ST3GAL4: variants seen among roughly 807,000 people sequenced by gnomAD.
ST3GAL4 encodes ST3 beta-galactoside alpha-2,3-sialyltransferase 4.
A neutral mutation model predicts 42.6 loss-of-function variants in ST3GAL4; 24 were observed. The ratio of observed to expected loss-of-function variants is 0.56; its 90% confidence interval spans 0.41 to 0.79. ST3GAL4 has a LOEUF of 0.79. Ranked by LOEUF, ST3GAL4 falls within the 30% of genes least tolerant of loss-of-function variation. ST3GAL4 has a pLI of 0.00. For synonymous variants in ST3GAL4, 135 were observed against 163.2 expected (o/e 0.83, Z 1.32); for missense variants, 311 against 430.8 (o/e 0.72, Z 2.46).
At chr11:126,408,045 G>A in intron 6 of ST3GAL4, 54 bp from the exon 7 acceptor site, 1 of 1,580,834 alleles carries the variant, frequency 6.3e-7, no homozygotes, top group South Asian at 1.1e-5. Flanking sequence ...ATCCAGGGCA[G>A]CGAGCCTGGG....
chr11:126,406,840 G>A lies in ST3GAL4; in HGVS notation c.102-103G>A. The A allele has an allele frequency of 8.9e-7, 1 of 1,127,218 alleles. No homozygotes were observed. Among genetic ancestry groups the A allele is most frequent in the Non-Finnish European group, 1.3e-6 (1 of 758,408 alleles). 69.8% of individuals were successfully genotyped at this position (1,127,218 alleles called of 1,614,324 possible). On this transcript the variant is annotated intron_variant, in intron 3 of 10. Coordinates refer to ENST00000444328, the MANE Select transcript of ST3GAL4 (RefSeq NM_001254757.2). This position sits in a 1 kb window ranked among gnomAD's most constrained non-coding sequence, Gnocchi z 5.4. ...CTTAACTTGAGATGATTCCTCCCCG[G>A]CACCTTGGGACCTTCATGCCGTGGG...
intron 1 of ST3GAL4, chr11:126,356,279 A>T (rs1200391641): frequency 6.6e-6 from 1 of 152,582 alleles, no homozygotes; most frequent in African/African-American, 2.4e-5. Flanking sequence ...CAGGAGTCGC[A>T]AGGTCGCTGA....
chr11:126,371,265 A>G (rs547827292), intron 1 of ST3GAL4, among the ~76,000 whole-genome samples: 311 of 143,270 alleles, frequency 2.2e-3, no homozygotes, highest in Non-Finnish European at 3.9e-3. Context: ...CCCAGATCCA[A>G]GTGATTTTCC....
intron 9 of ST3GAL4, 103 bp from the exon 10 acceptor site, chr11:126,413,402 G>C (rs1954615393): frequency 6.9e-7 from 1 of 1,454,600 alleles, no homozygotes; most frequent in African/African-American, 1.4e-5. Flanking sequence ...CGCAGATGGA[G>C]AACGTTTCCG....
In ST3GAL4 at chr11:126,397,117, T is replaced by A. The variant is rs541456656; in HGVS notation, c.-60-8979T>A. Among the ~76,000 whole-genome samples, 1 of 152,246 alleles carries A rather than the reference T, an allele frequency of 6.6e-6. No individual in the cohort carries two copies. Among genetic ancestry groups the A allele is most frequent in the South Asian group, 2.1e-4 (1 of 4,826 alleles). ...ATTGAGAGATCCTGGTTTCGCGTTTTGAGCGTGCAGTACATTTCAGTTGTT... is the reference window on the plus strand; with the variant it reads ...ATTGAGAGATCCTGGTTTCGCGTTTAGAGCGTGCAGTACATTTCAGTTGTT... On this transcript the variant is annotated intron_variant, in intron 1 of 10. Transcript: ENST00000444328. The surrounding 1 kb of genome is among the most constrained non-coding windows in gnomAD (Gnocchi z 5.0).
chr11:126,360,036 C>G (rs1014947521), intron 1 of ST3GAL4, among the ~76,000 whole-genome samples: 2 of 152,216 alleles, frequency 1.3e-5, no homozygotes, highest in African/African-American at 4.8e-5. Flanking sequence ...TGATGCCCGT[C>G]CTGGGCTGGC....
At chr11:126,413,418 G>A in intron 9 of ST3GAL4, 87 bp from the exon 10 acceptor site, 7 of 1,525,452 alleles carry the variant, frequency 4.6e-6, no homozygotes, top group Non-Finnish European at 5.3e-6. Flanking sequence ...TTCCGTGACT[G>A]CAGGAAGTTC....
chr11:126,407,232 C>G lies in ST3GAL4; in HGVS notation c.183-20C>G, dbSNP rs377262894. ...GATTAATTCTGTTCTCATCCCCACC[C>G]GGCTTTCACCTCTGTGCAGCTACTC... On this transcript the variant is annotated intron_variant, in intron 4 of 10. Transcript: ENST00000444328. 1.1e-5 allele frequency: 18 copies of G among 1,612,872 alleles called. No homozygotes were observed. In the African/African-American group the frequency reaches 2.4e-4, roughly 22 times the overall value.
rs1403116995 is a variant in ST3GAL4, at chr11:126,411,662, G to A, written c.772-1843G>A. Among the ~76,000 whole-genome samples the A allele has an allele frequency of 6.6e-6, 1 of 152,134 alleles. No individual in the cohort carries two copies. The highest frequency in any genetic ancestry group is 1.5e-5 in the Non-Finnish European group (1 of 68,028). On this transcript the variant is annotated intron_variant, in intron 9 of 10. Coordinates refer to ENST00000444328, the MANE Select transcript of ST3GAL4 (RefSeq NM_001254757.2). This position sits in a 1 kb window ranked among gnomAD's most constrained non-coding sequence, Gnocchi z 6.3. ...CTCATTCTTGTGGTTGAAATAATTC[G>A]GTTCCTGCGATTGTAGAACTGAGGT...
At position 126,396,029 on chromosome 11, in the gene ST3GAL4, G is replaced by A. The variant is rs928327687; in HGVS notation, c.-60-10067G>A. On this transcript the variant is annotated intron_variant, in intron 1 of 10. Coordinates refer to ENST00000444328, the MANE Select transcript of ST3GAL4 (RefSeq NM_001254757.2). This position sits in a 1 kb window ranked among gnomAD's most constrained non-coding sequence, Gnocchi z 5.8. ...CTGAGGAGGAGTTTTACAGATGACC[G>A]GTCTGTTCTTGGCACTTGCAATTAG... Among the ~76,000 whole-genome samples, 9 of 151,136 alleles carry A rather than the reference G, an allele frequency of 6.0e-5. No homozygotes were observed. The highest frequency in any genetic ancestry group is 4.2e-4 in the South Asian group (2 of 4,804).
chr11:126,405,190 G>A (rs908919992), intron 1 of ST3GAL4, among the ~76,000 whole-genome samples: 10 of 152,244 alleles, frequency 6.6e-5, no homozygotes, highest in African/African-American at 2.4e-4. Flanking sequence ...GGAAGAAACT[G>A]GCACTTGGCA....
chr11:126,372,645 A>G (rs1407690646), intron 1 of ST3GAL4, among the ~76,000 whole-genome samples: 1 of 152,022 alleles, frequency 6.6e-6, no homozygotes, highest in East Asian at 1.9e-4. Flanking sequence ...CGAACTCCCA[A>G]CCTCAGGTGA....
intron 1 of ST3GAL4, among the ~76,000 whole-genome samples, chr11:126,364,768 G>C (rs1039603974): frequency 1.3e-5 from 2 of 151,226 alleles, no homozygotes; most frequent in Non-Finnish European, 2.9e-5. Context: ...GGCTGGTCCC[G>C]GGCCCCCTCT....
In ST3GAL4 at chr11:126,406,707, C is replaced by G. The variant is rs1954248639; in HGVS notation, c.101+150C>G. 6.9e-6 allele frequency: 8 copies of G among 1,159,084 alleles called. No homozygotes were observed. The highest frequency in any genetic ancestry group is 4.5e-5 in the South Asian group (3 of 66,914). 71.8% of individuals were successfully genotyped at this position (1,159,084 alleles called of 1,614,324 possible). On this transcript the variant is annotated intron_variant, in intron 3 of 10. Transcript: ENST00000444328. The surrounding 1 kb of genome is among the most constrained non-coding windows in gnomAD (Gnocchi z 5.4). ...CTTCAGCTGCTGGTACGGAGTGTTT[C>G]CATGAGGGTGGGTGGGGGTAGGGCC...
At chr11:126,382,501 G>A (rs1209473340) in intron 1 of ST3GAL4, among the ~76,000 whole-genome samples, 2 of 151,034 alleles carry the variant, frequency 1.3e-5, no homozygotes, top group South Asian at 2.1e-4. Flanking sequence ...ACTGAGGGCC[G>A]AGCTCTTCCA....
chr11:126,412,773 A>G (rs886126104), intron 9 of ST3GAL4, among the ~76,000 whole-genome samples: 1 of 152,252 alleles, frequency 6.6e-6, no homozygotes, highest in Non-Finnish European at 1.5e-5. Context: ...TCCAAGGAGG[A>G]GGGCAGAACA....
rs1414784560 is a variant in ST3GAL4 at position 126,384,923 on chromosome 11, T to A, written c.-60-21173T>A. 2.0e-6 allele frequency: 2 copies of A among 985,106 alleles called. No individual in the cohort carries two copies. The highest frequency in any genetic ancestry group is 1.2e-4 in the Admixed American group (2 of 16,252). The allele number at this position is 985,106 out of a possible 1,614,324, so 61.0% of individuals were successfully genotyped here. ...TTGCTGGGCTGGGACAGAGCTTGAA[T>A]GGAGAGGGGCCGCCTTGTGCCTGGG... On this transcript the variant is annotated intron_variant, in intron 1 of 10. Coordinates refer to ENST00000444328, the MANE Select transcript of ST3GAL4 (RefSeq NM_001254757.2). The surrounding 1 kb of genome is among the most constrained non-coding windows in gnomAD (Gnocchi z 5.5).
In ST3GAL4 at chr11:126,363,318, C is replaced by T. The variant is rs1038201539; in HGVS notation, c.-61+7476C>T. Among the ~76,000 whole-genome samples the T allele has an allele frequency of 3.3e-5, 5 of 152,208 alleles. No homozygotes were observed. The highest frequency in any genetic ancestry group is 5.9e-5 in the Non-Finnish European group (4 of 68,042). ...CCCTCCTCCTTCCTTTCTGCCTCCT[C>T]TGCATTCTCTCCTTGCCCTTGCTTC... On this transcript the variant is annotated intron_variant, in intron 1 of 10. Transcript: ENST00000444328. The surrounding 1 kb of genome is among the most constrained non-coding windows in gnomAD (Gnocchi z 4.6).
intron 9 of ST3GAL4, chr11:126,413,274 A>G (rs1420334300): frequency 2.2e-6 from 1 of 454,312 alleles, no homozygotes; most frequent in Non-Finnish European, 3.9e-6. Flanking sequence ...CACCCAGCAC[A>G]TGTGGCGATT....
Sources: allele counts gnomAD v4.1 joint callset (sites outside exome capture counted in the v4.1 genomes callset), GRCh38; gene constraint gnomAD v4.1.1; non-coding constraint Gnocchi (gnomAD v3.1); transcripts MANE v1.5; gene names NCBI Gene and HGNC (gene_info 2026-07-23, HGNC 2026-07-21).